AP3D1: variants seen among roughly 807,000 people sequenced by gnomAD.
AP3D1 encodes the protein AP-3 complex subunit delta-1.
In AP3D1, 51 loss-of-function variants were observed where a neutral mutation model predicts 147.6. That is an observed-to-expected ratio of 0.35 (90% CI 0.28 to 0.44). AP3D1 has a LOEUF of 0.44. Among genes scored for constraint, AP3D1 ranks in the 20% least tolerant of loss-of-function variants. The pLI, the probability that AP3D1 is intolerant of heterozygous loss-of-function variation, is 1.00. For missense variants in AP3D1, 1,421 were observed against 1,624.2 expected (o/e 0.87, Z 2.15); for synonymous variants, 760 against 663.0 (o/e 1.15, Z -2.25).
chr19:2,115,583 T>C lies in AP3D1; in HGVS notation c.2104A>G (p.Ile702Val). 2 of 1,613,006 alleles carry C rather than the reference T, an allele frequency of 1.2e-6. No individual in the cohort carries two copies. Among genetic ancestry groups the C allele is most frequent in the Non-Finnish European group, 1.7e-6 (2 of 1,179,788 alleles). ...GAGAGGTCAATCTGCACCACGGGAA[T>C]GTGCTCCACGCCCGGGGTGTCCTGG... ...RYQDTPGVEH[I>V]PVVQIDLSVP... Residue 702 changes from isoleucine (I) to valine (V), a missense_variant, in exon 19 of 32, where the codon ATT becomes GTT. Transcript: ENST00000643116.
chr19:2,143,230 ATTTTTT>A (rs776434810), intron 1 of AP3D1, among the ~76,000 whole-genome samples: 8 of 74,338 alleles, frequency 1.1e-4, no homozygotes, highest in East Asian at 4.0e-4. Context: ...TGCCTGCCTA[ATTTTTT>A]TTTTTTTTTT....
chr19:2,155,692 G>T (rs2019639709), upstream of AP3D1, among the ~76,000 whole-genome samples: 1 of 152,028 alleles, frequency 6.6e-6, no homozygotes, highest in Non-Finnish European at 1.5e-5. Context: ...CAAATTCTAT[G>T]ATATTGGGAC....
chr19:2,141,851 C>T (rs1405778273), intron 1 of AP3D1, among the ~76,000 whole-genome samples: 1 of 151,672 alleles, frequency 6.6e-6, no homozygotes, highest in African/African-American at 2.4e-5. Context: ...GAGATTCTCC[C>T]ACCTCAGTAT....
chr19:2,137,940 T>A, intron 2 of AP3D1, 133 bp from the exon 3 acceptor site: 1 of 618,810 alleles, frequency 1.6e-6, no homozygotes, highest in Admixed American at 2.7e-5. Flanking sequence ...AACCACCCAA[T>A]ACGTACCCCT....
Position 2,118,837 on chromosome 19 carries a change from G to A in AP3D1, c.1482-5C>T. On this transcript the variant is annotated splice_region_variant and splice_polypyrimidine_tract_variant and intron_variant, in intron 14 of 31. Coordinates refer to ENST00000643116, the MANE Select transcript of AP3D1 (RefSeq NM_001261826.3). Reference sequence around the variant, plus strand: ...TGGTGTGGTTCCTGCAGATGCCTGAGGACAGGAAACACTGTGAGCCCCCAG... The same window carrying A: ...TGGTGTGGTTCCTGCAGATGCCTGAAGACAGGAAACACTGTGAGCCCCCAG... The A allele has an allele frequency of 2.5e-6, 4 of 1,611,376 alleles. No homozygotes were observed. Among genetic ancestry groups the A allele is most frequent in the Non-Finnish European group, 3.4e-6 (4 of 1,178,550 alleles).
chr19:2,109,883 G>T lies in AP3D1; in HGVS notation c.3340C>A (p.Pro1114Thr). 6.2e-7 allele frequency: 1 copy of T among 1,613,816 alleles called. No individual in the cohort carries two copies. The highest frequency in any genetic ancestry group is 1.1e-5 in the South Asian group (1 of 91,070). The change falls in exon 29 of 32, where the codon CCC (proline) becomes ACC (threonine). Residue 1114 changes from proline (P) to threonine (T), a missense_variant. Around this residue, in one of 6 missense-constraint regions of AP3D1, gnomAD observed 791 missense variants for 761.4 expected, o/e 1.04. Coordinates refer to ENST00000643116, the MANE Select transcript of AP3D1 (RefSeq NM_001261826.3). ...FSCSSYLITT[P>T]CYSDAFAKLL... ...GGGCCTGGGCCCCACCTGTAGCAGG[G>T]AGTGGTGATCAAGTAGGAGCTGCAG...
chr19:2,111,381 C>A, intron 25 of AP3D1, 49 bp from the exon 26 acceptor site: 1 of 1,606,654 alleles, frequency 6.2e-7, no homozygotes, highest in South Asian at 1.1e-5. Context: ...AGCTCCGTCT[C>A]AGCGAAGACT....
At chr19:2,106,578 C>T (rs373620883) in intron 31 of AP3D1, among the ~76,000 whole-genome samples, 11 of 151,940 alleles carry the variant, frequency 7.2e-5, no homozygotes, top group African/African-American at 2.7e-4. Context: ...AACAAAAGTA[C>T]TGAAGGCAGG....
chr19:2,102,032 G>A lies in AP3D1; in HGVS notation c.*141C>T, dbSNP rs2017967768. 1 of 653,170 alleles carries A rather than the reference G, an allele frequency of 1.5e-6. No individual in the cohort carries two copies. The highest frequency in any genetic ancestry group is 1.8e-5 in the South Asian group (1 of 54,536). 40.5% of individuals were successfully genotyped at this position (653,170 alleles called of 1,614,324 possible). ...TTCAACGCAACAAATGACCTCGGAT[G>A]TCTACACGGCGGACAACATAGAGTT... On this transcript the variant is annotated 3_prime_UTR_variant, in exon 32 of 32. Transcript: ENST00000643116.
intron 1 of AP3D1, among the ~76,000 whole-genome samples, chr19:2,145,878 C>T (rs953524302): frequency 8.5e-5 from 13 of 152,200 alleles, no homozygotes; most frequent in Admixed American, 2.6e-4. Context: ...AGAACGCAAG[C>T]GGCTAAACGC....
At chr19:2,111,950 G>A (rs567891146) in intron 24 of AP3D1, 122 bp from the exon 25 acceptor site, 8 of 1,472,242 alleles carry the variant, frequency 5.4e-6, no homozygotes, top group African/African-American at 1.4e-5. Flanking sequence ...TGGGTGGGAT[G>A]GCAGGACCAG....
intron 4 of AP3D1, among the ~76,000 whole-genome samples, chr19:2,136,282 G>A (rs1568301265): frequency 6.6e-6 from 1 of 152,216 alleles, no homozygotes; most frequent in Non-Finnish European, 1.5e-5. Flanking sequence ...CCTGTCCCTC[G>A]GCGTGCTGGG....
chr19:2,117,744 G>A lies in AP3D1; in HGVS notation c.1714-377C>T, dbSNP rs531417189. Among the ~76,000 whole-genome samples the A allele has an allele frequency of 9.8e-5, 15 of 152,344 alleles. No individual in the cohort carries two copies. The East Asian group carries it at 2.9e-3, about 29-fold the overall frequency. ...CTGGGCAGCTCCAACAGTGACCATG[G>A]GCCAAGGATCATGGCCAGCCCCGAG... On this transcript the variant is annotated intron_variant, in intron 15 of 31. Coordinates refer to ENST00000643116, the MANE Select transcript of AP3D1 (RefSeq NM_001261826.3).
intron 1 of AP3D1, among the ~76,000 whole-genome samples, chr19:2,147,828 T>C (rs1599497293): frequency 6.7e-6 from 1 of 148,624 alleles, no homozygotes; most frequent in African/African-American, 2.5e-5. Context: ...GAGGTTGCAG[T>C]GAGCCGAGAT....
intron 9 of AP3D1, 21 bp from the exon 10 acceptor site, chr19:2,123,900 A>T (rs1226593645): frequency 6.4e-7 from 1 of 1,566,150 alleles, no homozygotes; most frequent in Non-Finnish European, 8.7e-7. Context: ...CAGCTTGGTC[A>T]GCACCACGGT....
At chr19:2,120,442 G>A (rs541828326) in intron 14 of AP3D1, among the ~76,000 whole-genome samples, 147 of 152,322 alleles carry the variant, frequency 9.7e-4, no homozygotes, top group Admixed American at 2.5e-3. Context: ...GCCTCCCTGG[G>A]CCACCTAACT....
chr19:2,148,463 T>A (rs2019420777), intron 1 of AP3D1, among the ~76,000 whole-genome samples: 1 of 152,346 alleles, frequency 6.6e-6, no homozygotes, highest in Admixed American at 6.5e-5. Context: ...TCTCTTCTAG[T>A]TTCTTTTCCT....
chr19:2,119,435 T>A (rs2018548711), intron 14 of AP3D1, among the ~76,000 whole-genome samples: 1 of 151,680 alleles, frequency 6.6e-6, no homozygotes, highest in East Asian at 1.9e-4. Context: ...GGCTAACGCC[T>A]GTAATCCCAG....
intron 24 of AP3D1, chr19:2,112,154 G>C: frequency 2.5e-6 from 1 of 402,684 alleles, no homozygotes; most frequent in Non-Finnish European, 4.6e-6. Flanking sequence ...ATCCGAGAGG[G>C]AACACACACA....
Sources: allele counts gnomAD v4.1 joint callset (sites outside exome capture counted in the v4.1 genomes callset), GRCh38; gene constraint gnomAD v4.1.1; regional missense constraint gnomAD v4.1.1; transcripts MANE v1.5; gene names NCBI Gene and HGNC (gene_info 2026-07-23, HGNC 2026-07-21).